The following SLC34A2 variants were observed in gnomAD, a reference collection of about 807,000 sequenced individuals.
The protein encoded by SLC34A2 is sodium-dependent phosphate transport protein 2B.
SLC34A2 carries 41 observed loss-of-function variants against 50.8 expected under a neutral mutation model. That is an observed-to-expected ratio of 0.81 (90% CI 0.63 to 1.05). The LOEUF (loss-of-function observed/expected upper bound fraction) is 1.05, where lower values mean the gene tolerates loss of function less well. Ranked by LOEUF, SLC34A2 falls within the 50% of genes least tolerant of loss-of-function variation. SLC34A2 has a pLI of 0.00. For missense variants in SLC34A2, 879 were observed against 876.7 expected (o/e 1.00, Z -0.03); for synonymous variants, 401 against 364.2 (o/e 1.10, Z -1.15).
intron 1 of SLC34A2, 29 bp downstream of exon 1, chr4:25,655,919 T>G (rs1021570937): frequency 6.6e-6 from 1 of 152,248 alleles, no homozygotes; most frequent in African/African-American, 2.4e-5. Flanking sequence ...GCAGGGGCGC[T>G]TCCTCGCTCT....
intron 1 of SLC34A2, among the ~76,000 whole-genome samples, chr4:25,658,203 C>A (rs1449027844): frequency 6.6e-6 from 1 of 152,124 alleles, no homozygotes; most frequent in Non-Finnish European, 1.5e-5. Flanking sequence ...AATTTGTGCA[C>A]CAATTTGCAA....
At chr4:25,676,080 C>T in intron 12 of SLC34A2, 55 bp from the exon 13 acceptor site, 4 of 1,607,266 alleles carry the variant, frequency 2.5e-6, no homozygotes, top group Non-Finnish European at 3.4e-6. Flanking sequence ...CTCCTCCCTA[C>T]TGCCACCCGC....
At chr4:25,664,179 C>A (rs1003903958) in intron 3 of SLC34A2, 23 bp from the exon 4 acceptor site, 4 of 1,481,648 alleles carry the variant, frequency 2.7e-6, no homozygotes, top group South Asian at 1.1e-5. Context: ...TTCTCTCTCT[C>A]CCCCCATCCC....
Position 25,673,110 on chromosome 4 carries a change from C to T in SLC34A2, c.1072C>T (p.His358Tyr). 4 of 1,614,134 alleles carry T rather than the reference C, an allele frequency of 2.5e-6. No homozygotes were observed. Among genetic ancestry groups the T allele is most frequent in the Non-Finnish European group, 3.4e-6 (4 of 1,180,038 alleles). The change falls in exon 10 of 13, where the codon CAC becomes TAC. Residue 358 changes from histidine (H) to tyrosine (Y), a missense_variant. His to Tyr is a moderately conservative substitution (Grantham distance 83). Coordinates refer to ENST00000382051, the MANE Select transcript of SLC34A2 (RefSeq NM_006424.3). ...AGGCCAGCATATCTTTGTGAATTTCCACCTCCCGGATCTTGCTGTGGGCAC... is the reference window on the plus strand; with the variant it reads ...AGGCCAGCATATCTTTGTGAATTTCTACCTCCCGGATCTTGCTGTGGGCAC... ...AKCQHIFVNF[H>Y]LPDLAVGTIL...
chr4:25,665,946 C>T (rs1311147011), intron 4 of SLC34A2, among the ~76,000 whole-genome samples, 182 bp from the exon 5 acceptor site: 5 of 152,106 alleles, frequency 3.3e-5, no homozygotes, highest in Non-Finnish European at 7.4e-5. Context: ...CCTGCCTTAT[C>T]GGGGCAGCAC....
At position 25,673,233 on chromosome 4, in the gene SLC34A2, A is replaced by G; in HGVS notation, c.1195A>G (p.Ile399Val). Residue 399 changes from isoleucine to valine, a missense_variant, in exon 10 of 13, where the codon ATC (isoleucine) becomes GTC (valine). Coordinates refer to ENST00000382051, the MANE Select transcript of SLC34A2 (RefSeq NM_006424.3). ...GCTCAAGGGGCAGGTCGCCACTGTCATCAAGAAGACCATCAACACTGGTAG... is the reference window on the plus strand; with the variant it reads ...GCTCAAGGGGCAGGTCGCCACTGTCGTCAAGAAGACCATCAACACTGGTAG... The part of the protein sequence containing the change: ...SVLKGQVATV[I>V]KKTINTDFPF... 2 of 1,613,854 alleles carry G rather than the reference A, an allele frequency of 1.2e-6. No individual in the cohort carries two copies. Among genetic ancestry groups the G allele is most frequent in the Non-Finnish European group, 1.7e-6 (2 of 1,180,036 alleles).
At chr4:25,656,388 G>GC (rs1008184218) in intron 1 of SLC34A2, 1 of 152,354 alleles carries the variant, frequency 6.6e-6, no homozygotes, top group Non-Finnish European at 1.5e-5. Context: ...ATGTGACACT[G>GC]CCCCCCACCC....
intron 4 of SLC34A2, 56 bp from the exon 5 acceptor site, chr4:25,666,072 C>A: frequency 6.2e-7 from 1 of 1,603,666 alleles, no homozygotes. Flanking sequence ...CAGTGCCCAC[C>A]TAATCCCCCT....
chr4:25,676,684 A>G lies in SLC34A2; in HGVS notation c.2008A>G (p.Ile670Val), dbSNP rs1373201943. 3 of 1,614,064 alleles carry G rather than the reference A, an allele frequency of 1.9e-6. No homozygotes were observed. Among genetic ancestry groups the G allele is most frequent in the South Asian group, 2.2e-5 (2 of 91,088 alleles). The change falls in exon 13 of 13, where the codon ATT (isoleucine) becomes GTT (valine). Residue 670 changes from isoleucine to valine, a missense_variant. Ile to Val is a conservative substitution (Grantham distance 29, BLOSUM62 3). Coordinates refer to ENST00000382051, the MANE Select transcript of SLC34A2 (RefSeq NM_006424.3). ...TCCTGAGACCTTTGATAACATAACC[A>G]TTAGCAGAGAGGCTCAGGGTGAGGT... ...KAPETFDNIT[I>V]SREAQGEVPA... is the part of the protein sequence containing the mutation.
chr4:25,670,427 G>C (rs1276310029), intron 7 of SLC34A2, among the ~76,000 whole-genome samples: 2 of 152,164 alleles, frequency 1.3e-5, no homozygotes, highest in African/African-American at 4.8e-5. Flanking sequence ...CTCAACACCA[G>C]TGGACTTGAT....
chr4:25,666,510 T>C (rs1052138233), intron 5 of SLC34A2, among the ~76,000 whole-genome samples: 7 of 152,248 alleles, frequency 4.6e-5, no homozygotes, highest in African/African-American at 1.4e-4. Context: ...CTGAATTCTC[T>C]AGTACTGTAC....
In SLC34A2 at chr4:25,673,201, G is replaced by A; in HGVS notation, c.1163G>A (p.Gly388Asp). Residue 388 changes from glycine to aspartate, a missense_variant, in exon 10 of 13, where the codon GGC (glycine) becomes GAC (aspartate). Coordinates refer to ENST00000382051, the MANE Select transcript of SLC34A2 (RefSeq NM_006424.3). ...GCLIMIVKIL[G>D]SVLKGQVATV... Reference sequence around the variant, plus strand: ...CTGATCATGATTGTCAAGATCCTGGGCTCTGTGCTCAAGGGGCAGGTCGCC... The same window carrying A: ...CTGATCATGATTGTCAAGATCCTGGACTCTGTGCTCAAGGGGCAGGTCGCC... 1 of 1,614,012 alleles carries A rather than the reference G, an allele frequency of 6.2e-7. No individual in the cohort carries two copies. The highest frequency in any genetic ancestry group is 2.2e-5 in the East Asian group (1 of 44,880).
intron 12 of SLC34A2, 47 bp from the exon 13 acceptor site, chr4:25,676,088 C>G (rs76058904): frequency 1.2e-6 from 2 of 1,610,048 alleles, no homozygotes; most frequent in Admixed American, 1.7e-5. Context: ...TACTGCCACC[C>G]GCATTGGGCA....
chr4:25,662,644 C>A, intron 2 of SLC34A2, 32 bp downstream of exon 2: 1 of 1,614,028 alleles, frequency 6.2e-7, no homozygotes, highest in Non-Finnish European at 8.5e-7. Flanking sequence ...GCAGATCGGC[C>A]TTTGTGAGGA....
intron 2 of SLC34A2, 25 bp from the exon 3 acceptor site, chr4:25,662,680 T>C (rs775126288): frequency 6.2e-7 from 1 of 1,614,114 alleles, no homozygotes; most frequent in Admixed American, 1.7e-5. Context: ...GTCTGATTCC[T>C]CATTACCCCT....
chr4:25,667,010 T>C (rs1714536463), intron 5 of SLC34A2: 1 of 152,222 alleles, frequency 6.6e-6, no homozygotes, highest in Non-Finnish European at 1.5e-5. Context: ...ATTACAGGCC[T>C]GAGCCACAGC....
At chr4:25,667,280 G>T (rs1307265122) in intron 5 of SLC34A2, among the ~76,000 whole-genome samples, 1 of 152,204 alleles carries the variant, frequency 6.6e-6, no homozygotes, top group Non-Finnish European at 1.5e-5. Context: ...GGGAGGCTGA[G>T]GTGGGAGGCT....
In SLC34A2 at chr4:25,659,241, A is replaced by G. The variant is rs183530448; in HGVS notation, c.-3-3257A>G. ...AAGCTTCTTTGTTTCTCTGTGCCTCAGTTTCTTTGTCTGTACACTGAGAAG... is the reference window on the plus strand; with the variant it reads ...AAGCTTCTTTGTTTCTCTGTGCCTCGGTTTCTTTGTCTGTACACTGAGAAG... On this transcript the variant is annotated intron_variant, in intron 1 of 12. Coordinates refer to ENST00000382051, the MANE Select transcript of SLC34A2 (RefSeq NM_006424.3). Among the ~76,000 whole-genome samples, 10 of 152,172 alleles carry G rather than the reference A, an allele frequency of 6.6e-5. No individual in the cohort carries two copies. In the East Asian group the frequency reaches 1.6e-3, roughly 24 times the overall value.
At chr4:25,674,999 G>A (rs977534347) in intron 12 of SLC34A2, among the ~76,000 whole-genome samples, 1 of 152,124 alleles carries the variant, frequency 6.6e-6, no homozygotes, top group African/African-American at 2.4e-5. Context: ...GTTACTTTGT[G>A]CAAGACCTTT....
Sources: gnomAD v4.1 joint callset for allele counts (sites outside exome capture counted in the v4.1 genomes callset) on GRCh38, gnomAD v4.1.1 for gene constraint, MANE v1.5 for transcripts, NCBI Gene and HGNC (gene_info 2026-07-23, HGNC 2026-07-21) for gene names.